Variants in PPP4R4 observed in about 807,000 individuals in gnomAD.
PPP4R4 encodes the protein serine/threonine-protein phosphatase 4 regulatory subunit 4.
PPP4R4 carries 70 observed loss-of-function variants against 121.8 expected under a neutral mutation model. The ratio of observed to expected loss-of-function variants is 0.57; its 90% CI spans 0.47 to 0.70. The LOEUF (loss-of-function observed/expected upper bound fraction) is 0.70, where lower values mean the gene tolerates loss of function less well. Among genes scored for constraint, PPP4R4 ranks in the 30% least tolerant of loss-of-function variants. The probability of loss-of-function intolerance (pLI) is 0.00; values close to 1 mark genes in which losing one functional copy is unlikely to be tolerated. For synonymous variants in PPP4R4, 348 were observed against 355.7 expected (o/e 0.98, Z 0.24); for missense variants, 875 against 1,033.6 (o/e 0.85, Z 2.10).
intron 19 of PPP4R4, 55 bp downstream of exon 19, chr14:94,259,424 T>C: frequency 6.9e-7 from 1 of 1,444,310 alleles, no homozygotes; most frequent in South Asian, 1.6e-5. Context: ...ATAACTGTGT[T>C]TTTTTATTAA....
At chr14:94,236,346 A>G (rs1188393484) in intron 7 of PPP4R4, among the ~76,000 whole-genome samples, 1 of 152,212 alleles carries the variant, frequency 6.6e-6, no homozygotes, top group Admixed American at 6.5e-5. Context: ...TTGTTAATAA[A>G]TTCAAGGATT....
In PPP4R4 at chr14:94,275,509, G is replaced by C. The variant is rs143131287; in HGVS notation, c.2585G>C (p.Arg862Pro). The change falls in exon 24 of 25, where the codon CGG becomes CCG. Residue 862 changes from arginine to proline, a missense_variant. Transcript: ENST00000304338. ...KSSGSKDTQP[R>P]KATLKSRKSN... ...AGTGGAAGTAAAGATACACAACCAC[G>C]GAAGGCTACCTTGTAAGTAATCAAG... The C allele has an allele frequency of 6.2e-7, 1 of 1,613,880 alleles. No individual in the cohort carries two copies. Among genetic ancestry groups the C allele is most frequent in the Non-Finnish European group, 8.5e-7 (1 of 1,179,946 alleles).
chr14:94,251,300 A>C lies in PPP4R4; in HGVS notation c.1718-449A>C, dbSNP rs867141253. Among the ~76,000 whole-genome samples the C allele has an allele frequency of 2.0e-5, 3 of 152,166 alleles. No homozygotes were observed. The South Asian group carries it at 6.2e-4, about 32-fold the overall frequency. Reference sequence around the variant, plus strand: ...TAATTTGATTATTAAAACACTTAGAAGTTATACAGAGCTGTGTTTGAATTC... The same window carrying C: ...TAATTTGATTATTAAAACACTTAGACGTTATACAGAGCTGTGTTTGAATTC... On this transcript the variant is annotated intron_variant, in intron 15 of 24. Coordinates refer to ENST00000304338, the MANE Select transcript of PPP4R4 (RefSeq NM_058237.2).
chr14:94,182,281 A>C (rs1179853303), intron 2 of PPP4R4, among the ~76,000 whole-genome samples: 3 of 152,202 alleles, frequency 2.0e-5, no homozygotes, highest in Admixed American at 2.0e-4. Flanking sequence ...TTTTAACGCG[A>C]ACTTTGAATG....
At chr14:94,252,041 A>T in intron 16 of PPP4R4, 145 bp downstream of exon 16, 1 of 634,938 alleles carries the variant, frequency 1.6e-6, no homozygotes, top group Non-Finnish European at 2.6e-6. Context: ...TTCATAATTG[A>T]TGGGCATCAG....
At chr14:94,258,917 GT>G in intron 18 of PPP4R4, 93 bp downstream of exon 18, 3 of 1,195,322 alleles carry the variant, frequency 2.5e-6, no homozygotes, top group Non-Finnish European at 3.6e-6. Context: ...AAAGAAAGAG[GT>G]TTAATTGAAC....
In PPP4R4 at chr14:94,177,196, C is replaced by A. The variant is rs1300193211; in HGVS notation, c.191+1069C>A. ...AATATCAGCATATTTACCATGTAGA[C>A]CATTCCCTCTGATAATTGTATCATT... On this transcript the variant is annotated intron_variant, in intron 2 of 24. Transcript: ENST00000304338. Among the ~76,000 whole-genome samples, 5 of 152,176 alleles carry A rather than the reference C, an allele frequency of 3.3e-5. 1 individual carries two copies. In the South Asian group the frequency reaches 6.2e-4, roughly 19 times the overall value.
intron 2 of PPP4R4, among the ~76,000 whole-genome samples, chr14:94,206,031 G>A (rs1487812888): frequency 6.6e-6 from 1 of 151,938 alleles, no homozygotes; most frequent in Admixed American, 6.6e-5. Context: ...CTGATTCCCT[G>A]TGTAGTTCTG....
chr14:94,232,349 C>G (rs1253208522), intron 5 of PPP4R4, among the ~76,000 whole-genome samples: 2 of 152,060 alleles, frequency 1.3e-5, no homozygotes, highest in African/African-American at 4.8e-5. Flanking sequence ...TGTCTTCATA[C>G]AGTTTATGGT....
chr14:94,269,553 C>T (rs546454339), intron 23 of PPP4R4, among the ~76,000 whole-genome samples: 82 of 151,588 alleles, frequency 5.4e-4, no homozygotes, highest in Non-Finnish European at 6.9e-4. Flanking sequence ...TGGCGTCAGG[C>T]GCCTGTAGTT....
intron 3 of PPP4R4, among the ~76,000 whole-genome samples, chr14:94,223,075 T>A (rs1891503905): frequency 6.6e-6 from 1 of 152,186 alleles, no homozygotes; most frequent in South Asian, 2.1e-4. Flanking sequence ...TTTTAAAATC[T>A]GCCATTTTTT....
intron 2 of PPP4R4, among the ~76,000 whole-genome samples, chr14:94,189,531 T>G (rs1445085402): frequency 1.3e-5 from 2 of 152,196 alleles, no homozygotes; most frequent in Non-Finnish European, 2.9e-5. Flanking sequence ...TGGGACTCTC[T>G]TTCTGGGTCA....
Position 94,181,219 on chromosome 14 carries a change from T to C in PPP4R4, c.191+5092T>C, listed in dbSNP as rs372378597. Among the ~76,000 whole-genome samples, 37 of 151,858 alleles carry C rather than the reference T, an allele frequency of 2.4e-4. No homozygotes were observed. In the East Asian group the frequency reaches 6.6e-3, roughly 27 times the overall value. ...AGTATTGTTTTAGTGAGGCATGGTT[T>C]GTGTGTGTGTGTATGTGTGTGTGTG... On this transcript the variant is annotated intron_variant, in intron 2 of 24. Coordinates refer to ENST00000304338, the MANE Select transcript of PPP4R4 (RefSeq NM_058237.2).
chr14:94,244,518 T>C, intron 11 of PPP4R4, 117 bp from the exon 12 acceptor site: 3 of 842,512 alleles, frequency 3.6e-6, no homozygotes, highest in Non-Finnish European at 5.0e-6. Context: ...ATTTGTGTTA[T>C]AACATGGCTT....
chr14:94,190,108 G>T (rs756897736), intron 2 of PPP4R4, among the ~76,000 whole-genome samples: 3 of 150,952 alleles, frequency 2.0e-5, no homozygotes, highest in Admixed American at 6.6e-5. Context: ...CAAACTCCTG[G>T]CCTCAAGCAA....
intron 2 of PPP4R4, among the ~76,000 whole-genome samples, chr14:94,186,950 A>C (rs1889316961): frequency 1.3e-5 from 2 of 152,324 alleles, no homozygotes; most frequent in African/African-American, 4.8e-5. Context: ...GGTGAAATGC[A>C]CATAAAATTA....
intron 2 of PPP4R4, among the ~76,000 whole-genome samples, chr14:94,189,648 C>CACCT: frequency 6.6e-6 from 1 of 152,194 alleles, no homozygotes; most frequent in South Asian, 2.1e-4. Context: ...GTTTGCTGGG[C>CACCT]ACCTCCACCA....
intron 21 of PPP4R4, 134 bp downstream of exon 21, chr14:94,265,607 A>G (rs1428264066): frequency 5.7e-6 from 5 of 876,702 alleles, no homozygotes; most frequent in African/African-American, 5.1e-5. Context: ...ACCTTCTATC[A>G]TTAGGTGTTT....
intron 12 of PPP4R4, 132 bp downstream of exon 12, chr14:94,244,844 G>C (rs916609075): frequency 2.5e-6 from 2 of 810,338 alleles, no homozygotes; most frequent in African/African-American, 1.8e-5. Context: ...TCAAATTGTT[G>C]TACCACTATA....
Sources: gnomAD v4.1 joint callset for allele counts (sites outside exome capture counted in the v4.1 genomes callset) on GRCh38, gnomAD v4.1.1 for gene constraint, MANE v1.5 for transcripts, NCBI Gene and HGNC (gene_info 2026-07-23, HGNC 2026-07-21) for gene names.